ELMO1: variants seen among roughly 807,000 people sequenced by gnomAD.
The protein encoded by ELMO1 is engulfment and cell motility 1, also known as engulfment and cell motility protein 1.
ELMO1 carries 26 observed loss-of-function variants against 98.9 expected under a neutral mutation model. The ratio of observed to expected loss-of-function variants is 0.26; its 90% CI spans 0.19 to 0.36. The LOEUF is 0.36. ELMO1 is among the 10% of genes least tolerant of loss of function. The pLI, the probability that ELMO1 is intolerant of heterozygous loss-of-function variation, is 1.00. For missense variants in ELMO1, 627 were observed against 935.2 expected (o/e 0.67, Z 4.30); for synonymous variants, 346 against 346.0 (o/e 1.00, Z 0.00).
chr7:36,883,237 G>T (rs1316374808), intron 18 of ELMO1, among the ~76,000 whole-genome samples: 3 of 152,238 alleles, frequency 2.0e-5, no homozygotes, highest in Non-Finnish European at 4.4e-5. Context: ...TCCTCTGCAG[G>T]AGGTTTCATG....
chr7:37,447,153 G>A (rs1396452773), intron 1 of ELMO1, among the ~76,000 whole-genome samples: 1 of 152,188 alleles, frequency 6.6e-6, no homozygotes, highest in African/African-American at 2.4e-5. Context: ...TTCTGAGAAG[G>A]ATTATATCCC....
chr7:37,370,103 C>T (rs1802058094), intron 1 of ELMO1, among the ~76,000 whole-genome samples: 1 of 152,240 alleles, frequency 6.6e-6, no homozygotes, highest in Admixed American at 6.5e-5. Context: ...CACGCCCAGT[C>T]AGCCTCCGCC....
intron 15 of ELMO1, among the ~76,000 whole-genome samples, chr7:37,050,272 C>A (rs1796029897): frequency 6.6e-6 from 1 of 152,020 alleles, no homozygotes; most frequent in Non-Finnish European, 1.5e-5. Context: ...TGGGGTTTTG[C>A]CATGTTTTCC....
intron 16 of ELMO1, among the ~76,000 whole-genome samples, chr7:37,010,826 T>C (rs1793494198): frequency 6.6e-6 from 1 of 152,216 alleles, no homozygotes; most frequent in Non-Finnish European, 1.5e-5. Flanking sequence ...ATACCTGATA[T>C]ATTTTTCTGG....
intron 15 of ELMO1, among the ~76,000 whole-genome samples, chr7:37,020,711 C>T (rs748213786): frequency 4.1e-4 from 63 of 152,240 alleles, no homozygotes; most frequent in Non-Finnish European, 6.9e-4. Flanking sequence ...TTTGGGAGCA[C>T]TGGGCAAATA....
rs181771973 is a variant in ELMO1 at position 37,058,418 on chromosome 7, C to G, written c.1300+38201G>C. On this transcript the variant is annotated intron_variant, in intron 15 of 21. Transcript: ENST00000310758. ...TAAAAGGCAAGAGGCCATGCACCAACCTCTCTCTCTCTTGCTCTCTTCACC... is the reference window on the plus strand; with the variant it reads ...TAAAAGGCAAGAGGCCATGCACCAAGCTCTCTCTCTCTTGCTCTCTTCACC... Among the ~76,000 whole-genome samples the G allele has an allele frequency of 4.2e-3, 634 of 152,066 alleles. 6 individuals carry two copies. Among genetic ancestry groups the G allele is most frequent in the South Asian group, 0.03 (143 of 4,816 alleles).
chr7:36,871,134 T>C (rs1803467586), intron 19 of ELMO1, among the ~76,000 whole-genome samples: 1 of 152,264 alleles, frequency 6.6e-6, no homozygotes. Context: ...ATTCTGGAAA[T>C]AATGCAGTTA....
At chr7:37,133,696 C>T (rs952914321) in intron 13 of ELMO1, among the ~76,000 whole-genome samples, 1 of 152,154 alleles carries the variant, frequency 6.6e-6, no homozygotes, top group Admixed American at 6.5e-5. Flanking sequence ...TTAAATACAG[C>T]CCCATACATT....
At chr7:36,918,954 A>T (rs138439939) in intron 16 of ELMO1, among the ~76,000 whole-genome samples, 3 of 150,194 alleles carry the variant, frequency 2.0e-5, no homozygotes, top group Non-Finnish European at 4.4e-5. Context: ...GTTAATCTAT[A>T]AGAGCAAGCA....
Position 36,939,043 on chromosome 7 carries a change from T to C in ELMO1, c.1438-44026A>G, listed in dbSNP as rs528888355. On this transcript the variant is annotated intron_variant, in intron 16 of 21. Transcript: ENST00000310758. ...ACCTTGTCTCTTAAAAACAAAGCTA[T>C]AGACATTGCTAATTAAAAAAAAAAT... is the stretch of plus-strand genomic sequence containing the variant. Among the ~76,000 whole-genome samples, 46 of 151,912 alleles carry C rather than the reference T, an allele frequency of 3.0e-4. 1 individual carries two copies. The Middle Eastern group carries it at 0.014, about 45-fold the overall frequency.
intron 14 of ELMO1, among the ~76,000 whole-genome samples, chr7:37,124,442 G>C (rs1786342681): frequency 1.3e-5 from 2 of 152,080 alleles, no homozygotes; most frequent in African/African-American, 4.8e-5. Flanking sequence ...CAAAGTCTCA[G>C]GATACAAAAT....
chr7:37,344,220 C>A (rs1345013220), intron 1 of ELMO1, among the ~76,000 whole-genome samples: 1 of 151,936 alleles, frequency 6.6e-6, no homozygotes, highest in Non-Finnish European at 1.5e-5. Flanking sequence ...TTAGTAGAGA[C>A]AGGGTTTCGC....
At chr7:37,275,353 C>T (rs1270704685) in intron 4 of ELMO1, among the ~76,000 whole-genome samples, 5 of 152,242 alleles carry the variant, frequency 3.3e-5, no homozygotes, top group African/African-American at 1.2e-4. Flanking sequence ...TCAAGGTTCA[C>T]TCCTTCTTTT....
chr7:37,263,583 G>A (rs1796090068), intron 5 of ELMO1, among the ~76,000 whole-genome samples: 1 of 152,192 alleles, frequency 6.6e-6, no homozygotes, highest in Non-Finnish European at 1.5e-5. Context: ...TCTTTAGATG[G>A]AGTGGTTTTC....
chr7:37,230,841 T>G lies in ELMO1; in HGVS notation c.549+2254A>C, dbSNP rs571760639. ...TGGAACTGATCTTAGAGAGGCAAAATAGTGCCATTTATTTTTTCCTCTCAT... is the reference window on the plus strand; with the variant it reads ...TGGAACTGATCTTAGAGAGGCAAAAGAGTGCCATTTATTTTTTCCTCTCAT... On this transcript the variant is annotated intron_variant, in intron 8 of 21. Coordinates refer to ENST00000310758, the MANE Select transcript of ELMO1 (RefSeq NM_014800.11). 5.3e-5 allele frequency among the ~76,000 whole-genome samples: 8 copies of G among 152,330 alleles called. No homozygotes were observed. In the South Asian group the frequency reaches 1.7e-3, roughly 32 times the overall value.
intron 16 of ELMO1, among the ~76,000 whole-genome samples, chr7:36,967,456 C>G (rs1165764862): frequency 6.6e-6 from 1 of 152,186 alleles, no homozygotes; most frequent in Non-Finnish European, 1.5e-5. Flanking sequence ...GGCATCAGTG[C>G]TCGTCCTTGG....
intron 13 of ELMO1, among the ~76,000 whole-genome samples, chr7:37,161,201 T>C (rs1253038784): frequency 6.6e-6 from 1 of 152,164 alleles, no homozygotes; most frequent in East Asian, 1.9e-4. Flanking sequence ...GAAGAAATCC[T>C]GGTTCTTACA....
intron 14 of ELMO1, among the ~76,000 whole-genome samples, chr7:37,119,010 T>C (rs1785801027): frequency 6.6e-6 from 1 of 152,230 alleles, no homozygotes; most frequent in Admixed American, 6.5e-5. Flanking sequence ...CTTAGCTGTG[T>C]GACTTTGGAC....
At chr7:37,220,937 G>A (rs549721670) in intron 10 of ELMO1, among the ~76,000 whole-genome samples, 6 of 152,172 alleles carry the variant, frequency 3.9e-5, no homozygotes, top group Admixed American at 3.9e-4. Context: ...GAAGGACCCC[G>A]TTGCTCCAAT....
Sources: gnomAD v4.1 joint callset for allele counts (sites outside exome capture counted in the v4.1 genomes callset) on GRCh38, gnomAD v4.1.1 for gene constraint, MANE v1.5 for transcripts, NCBI Gene and HGNC (gene_info 2026-07-23, HGNC 2026-07-21) for gene names.